The following PDCL3 variants were observed in gnomAD, a reference collection of about 807,000 sequenced individuals.
PDCL3 encodes the protein phosducin like 3, also known as phosducin-like protein 3.
PDCL3 carries 22 observed loss-of-function variants against 26.5 expected under a neutral mutation model. That is an observed-to-expected ratio of 0.83 (90% CI 0.59 to 1.19). The LOEUF (loss-of-function observed/expected upper bound fraction) is 1.19. Among genes scored for constraint, PDCL3 ranks in the 50% most tolerant of loss-of-function variants. PDCL3 has a pLI of 0.00. For synonymous variants in PDCL3, 81 were observed against 104.9 expected (o/e 0.77, Z 1.39); for missense variants, 246 against 294.1 (o/e 0.84, Z 1.20).
chr2:100,569,933 C>T (rs575906228), intron 4 of PDCL3, among the ~76,000 whole-genome samples: 61 of 152,154 alleles, frequency 4.0e-4, no homozygotes, highest in African/African-American at 8.4e-4. Flanking sequence ...GATGAAACCC[C>T]GTCTCTACTA....
rs1675292164 is a variant in PDCL3 at position 100,576,589 on chromosome 2, T to C, written c.*93T>C. On this transcript the variant is annotated 3_prime_UTR_variant, in exon 6 of 6. Transcript: ENST00000264254. ...AAGCAAGAATGAATCCTTGTGGTTT[T>C]TAGTTTTGTATAAATTATGTTTCAA... 1 of 1,263,378 alleles carries C rather than the reference T, an allele frequency of 7.9e-7. No individual in the cohort carries two copies. The highest frequency in any genetic ancestry group is 3.5e-5 in the Admixed American group (1 of 28,804). 78.3% of individuals were successfully genotyped at this position (1,263,378 alleles called of 1,614,324 possible).
At chr2:100,570,277 A>C (rs531655546) in intron 4 of PDCL3, among the ~76,000 whole-genome samples, 22 of 152,260 alleles carry the variant, frequency 1.4e-4, no homozygotes, top group African/African-American at 5.3e-4. Flanking sequence ...GTTTTTGAAA[A>C]GGAATTCCTA....
At chr2:100,565,047 C>T (rs1309596898) in intron 1 of PDCL3, among the ~76,000 whole-genome samples, 1 of 152,218 alleles carries the variant, frequency 6.6e-6, no homozygotes, top group Non-Finnish European at 1.5e-5. Flanking sequence ...CAAAATGTCA[C>T]AGTCTCTTTG....
chr2:100,575,174 C>T (rs550725448), intron 5 of PDCL3, among the ~76,000 whole-genome samples: 25 of 152,200 alleles, frequency 1.6e-4, no homozygotes, highest in East Asian at 7.7e-4. Flanking sequence ...CTCGCTGTGT[C>T]GCCCAGGCTG....
chr2:100,568,448 A>G (rs989699251), intron 2 of PDCL3, among the ~76,000 whole-genome samples: 5 of 151,610 alleles, frequency 3.3e-5, no homozygotes, highest in Admixed American at 6.6e-5. Flanking sequence ...CTTGGCCAAC[A>G]TGGTGAAACC....
At chr2:100,567,402 G>T (rs890739174) in intron 2 of PDCL3, among the ~76,000 whole-genome samples, 8 of 152,144 alleles carry the variant, frequency 5.3e-5, no homozygotes, top group East Asian at 1.9e-4. Context: ...ACATTCAAGT[G>T]GGGGAGACAG....
chr2:100,576,294 G>A (rs1675283172), intron 5 of PDCL3, 60 bp from the exon 6 acceptor site: 2 of 1,557,912 alleles, frequency 1.3e-6, no homozygotes, highest in Non-Finnish European at 1.7e-6. Flanking sequence ...GATGGACTTA[G>A]GGCGAGGGAA....
chr2:100,568,827 G>C (rs1675106041), intron 2 of PDCL3, 104 bp from the exon 3 acceptor site: 1 of 866,742 alleles, frequency 1.2e-6, no homozygotes. Flanking sequence ...TAAGGATCTG[G>C]TGTTGTGTGC....
chr2:100,569,441 G>T, intron 3 of PDCL3, 137 bp from the exon 4 acceptor site: 1 of 1,071,066 alleles, frequency 9.3e-7, no homozygotes, highest in South Asian at 2.0e-5. Context: ...ATAATATTGT[G>T]AATTTTAGCA....
chr2:100,571,121 A>AAAAAAAACAACAAC, intron 4 of PDCL3, among the ~76,000 whole-genome samples: 1 of 143,960 alleles, frequency 6.9e-6, no homozygotes, highest in African/African-American at 2.6e-5. Flanking sequence ...TTACAAAAAA[A>AAAAAAAACAACAAC]AAAAAAAAAA....
intron 4 of PDCL3, among the ~76,000 whole-genome samples, chr2:100,570,471 TTTC>T (rs1231499583): frequency 3.3e-5 from 4 of 120,076 alleles, no homozygotes; most frequent in African/African-American, 1.4e-4. Flanking sequence ...TATTTAGGAA[TTTC>T]TTTTTTTTTT....
At position 100,576,512 on chromosome 2, in the gene PDCL3, C is replaced by G. The variant is rs779731914; in HGVS notation, c.*16C>G. On this transcript the variant is annotated 3_prime_UTR_variant, in exon 6 of 6. Coordinates refer to ENST00000264254, the MANE Select transcript of PDCL3 (RefSeq NM_024065.5). ...GGGTGACTGAGGCTACAGCTTCTATCACATGCCGAACTTTCTTGTGACAAA... is the reference window on the plus strand; with the variant it reads ...GGGTGACTGAGGCTACAGCTTCTATGACATGCCGAACTTTCTTGTGACAAA... The G allele has an allele frequency of 6.4e-7, 1 of 1,553,848 alleles. No individual in the cohort carries two copies. The highest frequency in any genetic ancestry group is 1.4e-5 in the African/African-American group (1 of 72,154).
chr2:100,569,641 G>T lies in PDCL3; in HGVS notation c.288G>T (p.Glu96Asp), dbSNP rs1478201625. 5 of 1,613,934 alleles carry T rather than the reference G, an allele frequency of 3.1e-6. No homozygotes were observed. Among genetic ancestry groups the T allele is most frequent in the Non-Finnish European group, 3.4e-6 (4 of 1,179,984 alleles). The part of the protein sequence containing the change: ...KLKNKFGEVL[E>D]ISGKDYVQEV... ...AGAATAAATTCGGAGAAGTTTTGGA[G>T]ATCTCAGGGAAGGATTATGTTCAAG... Residue 96 changes from glutamate to aspartate, a missense_variant, in exon 4 of 6, where the codon GAG (glutamate) becomes GAT (aspartate). Physicochemically the swap from Glu to Asp is conservative, Grantham distance 45 (BLOSUM62 2). Coordinates refer to ENST00000264254, the MANE Select transcript of PDCL3 (RefSeq NM_024065.5).
intron 1 of PDCL3, 46 bp downstream of exon 1, chr2:100,563,119 T>C: frequency 6.3e-7 from 1 of 1,581,188 alleles, no homozygotes; most frequent in East Asian, 2.3e-5. Context: ...GCCCGTTCCT[T>C]TGTCTCGTTA....
chr2:100,568,888 A>T, intron 2 of PDCL3, 43 bp from the exon 3 acceptor site: 1 of 1,488,010 alleles, frequency 6.7e-7, no homozygotes, highest in Non-Finnish European at 9.4e-7. Context: ...ATGTTCGTTC[A>T]TCTTTTTAAA....
At chr2:100,573,779 G>A (rs1373828261) in intron 5 of PDCL3, among the ~76,000 whole-genome samples, 2 of 151,870 alleles carry the variant, frequency 1.3e-5, no homozygotes, top group African/African-American at 4.8e-5. Flanking sequence ...GTGTTCAAAG[G>A]CGTACAGCAT....
intron 1 of PDCL3, among the ~76,000 whole-genome samples, chr2:100,564,283 C>T (rs532779532): frequency 4.6e-4 from 62 of 134,102 alleles, no homozygotes; most frequent in African/African-American, 1.8e-3. Flanking sequence ...GGATTCTGCT[C>T]TTTTTGTTTG....
At chr2:100,574,778 TTC>T (rs1675246176) in intron 5 of PDCL3, among the ~76,000 whole-genome samples, 1 of 152,238 alleles carries the variant, frequency 6.6e-6, no homozygotes, top group South Asian at 2.1e-4. Flanking sequence ...CACCATTCTA[TTC>T]TCTGTTTCAT....
In PDCL3 at chr2:100,571,114, C is replaced by CAAAAAAAAAAAAA. The variant is rs59012685; in HGVS notation, c.369-470_369-458dup. Among the ~76,000 whole-genome samples, 145 of 109,066 alleles carry CAAAAAAAAAAAAA rather than the reference C, an allele frequency of 1.3e-3. 2 individuals are homozygous for CAAAAAAAAAAAAA. Among genetic ancestry groups the CAAAAAAAAAAAAA allele is most frequent in the African/African-American group, 4.7e-3 (137 of 29,294 alleles). The allele number at this position is 109,066 out of a possible 152,430, so 71.6% of individuals were successfully genotyped here. Reference sequence around the variant, plus strand: ...GCAACGTGGTGAAACCCTGTCTTTACAAAAAAAAAAAAAAAAAATCAGCTG... The same window carrying CAAAAAAAAAAAAA: ...GCAACGTGGTGAAACCCTGTCTTTACAAAAAAAAAAAAAAAAAAAAAAAAAAAAAAATCAGCTG... On this transcript the variant is annotated intron_variant, in intron 4 of 5. Transcript: ENST00000264254.
Sources: gnomAD v4.1 joint callset for allele counts (sites outside exome capture counted in the v4.1 genomes callset) on GRCh38, gnomAD v4.1.1 for gene constraint, MANE v1.5 for transcripts, NCBI Gene and HGNC (gene_info 2026-07-23, HGNC 2026-07-21) for gene names.